Variants in SUPT6H observed in about 807,000 individuals in gnomAD.
The protein encoded by SUPT6H is SPT6 homolog, histone chaperone and transcription elongation factor, also known as transcription elongation factor SPT6.
In SUPT6H, 11 loss-of-function variants were observed where a neutral mutation model predicts 222.3. The observed-to-expected ratio is 0.05, with a 90% confidence interval of 0.03 to 0.08. The LOEUF is 0.08. Ranked by LOEUF, SUPT6H falls within the 10% of genes least tolerant of loss-of-function variation. The pLI is 1.00. For missense variants in SUPT6H, 1,422 were observed against 2,216.0 expected, an observed-to-expected ratio of 0.64 and a Z score of 7.19; for synonymous variants, 762 against 801.2, an observed-to-expected ratio of 0.95 and a Z score of 0.83.
At chr17:28,672,399 CT>C (rs1277332887) in intron 1 of SUPT6H, among the ~76,000 whole-genome samples, 1 of 151,488 alleles carries the variant, frequency 6.6e-6, no homozygotes, top group Non-Finnish European at 1.5e-5. Context: ...CCTTCTTTTT[CT>C]TTTTTTCTTT....
At chr17:28,674,837 A>G (rs368979501) in intron 4 of SUPT6H, 133 bp from the exon 5 acceptor site, 1 of 1,158,312 alleles carries the variant, frequency 8.6e-7, no homozygotes, top group Non-Finnish European at 1.2e-6. Flanking sequence ...CTACAAGAGC[A>G]TCACTCGGCA....
intron 1 of SUPT6H, among the ~76,000 whole-genome samples, chr17:28,665,266 A>G (rs1567682094): frequency 6.6e-6 from 1 of 152,120 alleles, no homozygotes; most frequent in South Asian, 2.1e-4. Flanking sequence ...TCCTACTTCT[A>G]CAGGTCATAT....
At chr17:28,692,864 G>A (rs2031731173) in intron 27 of SUPT6H, among the ~76,000 whole-genome samples, 2 of 147,514 alleles carry the variant, frequency 1.4e-5, no homozygotes, top group South Asian at 4.5e-4. Context: ...AGCTGGGCAT[G>A]GTGGCGGGCG....
rs1423986818 is a variant in SUPT6H, at chr17:28,688,114, G to A, written c.3030G>A (p.Arg1010=). The change falls in exon 24 of 37, where the codon CGG becomes CGA. Residue 1010 remains arginine (R), a synonymous_variant. Coordinates refer to ENST00000314616, the MANE Select transcript of SUPT6H (RefSeq NM_003170.5). The surrounding 1 kb of genome is among the most constrained non-coding windows in gnomAD (Gnocchi z 4.3). ...AGATCCTGAAGCAGAACAACACCCG[G>A]CTCGAGAGCCGGACCCAGCTGGTCA... ...LLKILKQNNT[R]LESRTQLVTM... 3 of 1,613,096 alleles carry A rather than the reference G, an allele frequency of 1.9e-6. No individual in the cohort carries two copies. Among genetic ancestry groups the A allele is most frequent in the Non-Finnish European group, 2.5e-6 (3 of 1,179,490 alleles).
At chr17:28,692,388 T>G (rs1353660394) in intron 27 of SUPT6H, among the ~76,000 whole-genome samples, 3 of 145,486 alleles carry the variant, frequency 2.1e-5, no homozygotes, top group African/African-American at 7.7e-5. Context: ...ATCCCAGTAC[T>G]TTGGGAGGCT....
rs2031486336 is a variant in SUPT6H, at chr17:28,688,183, C to T, written c.3099C>T (p.Gly1033=). The part of the protein sequence containing the change: ...MGPKVFMNCA[G]FLKIDTASLG... ...CCAAAGTCTTCATGAATTGTGCTGG[C>T]TTCCTCAAGATCGACACGGCCTCCC... The change falls in exon 24 of 37, where the codon GGC becomes GGT. Residue 1033 remains glycine (G), a synonymous_variant. Transcript: ENST00000314616. This position sits in a 1 kb window ranked among gnomAD's most constrained non-coding sequence, Gnocchi z 4.3. 6.2e-7 allele frequency: 1 copy of T among 1,613,544 alleles called. No homozygotes were observed. The highest frequency in any genetic ancestry group is 1.3e-5 in the African/African-American group (1 of 74,858).
At chr17:28,697,480 A>G in intron 30 of SUPT6H, 140 bp from the exon 31 acceptor site, 1 of 669,402 alleles carries the variant, frequency 1.5e-6, no homozygotes, top group Non-Finnish European at 2.6e-6. Flanking sequence ...ATATCTGGAC[A>G]TGACACAGAT....
chr17:28,693,868 CAATT>C, intron 28 of SUPT6H, 32 bp downstream of exon 28: 1 of 1,613,724 alleles, frequency 6.2e-7, no homozygotes, highest in Non-Finnish European at 8.5e-7. Flanking sequence ...GGTCGTAGTG[CAATT>C]TTCAGCTGCC....
chr17:28,670,297 G>A (rs1348503853), intron 1 of SUPT6H: 1 of 152,208 alleles, frequency 6.6e-6, no homozygotes, highest in Non-Finnish European at 1.5e-5. Flanking sequence ...GACAGTGTAG[G>A]GATTAATAGA....
In SUPT6H at chr17:28,700,375, C is replaced by A; in HGVS notation, c.4669C>A (p.Gln1557Lys). Reference sequence around the variant, plus strand: ...GACACGGGCTGTGAATGCCCTGCCTCAGAACATGACTTCACAGATGTTCAG... The same window carrying A: ...GACACGGGCTGTGAATGCCCTGCCTAAGAACATGACTTCACAGATGTTCAG... ...DLTRAVNALP[Q>K]NMTSQMFSAI... Residue 1557 changes from glutamine (Q) to lysine (K), a missense_variant, in exon 35 of 37, where the codon CAG becomes AAG. Gln to Lys is a moderately conservative substitution (Grantham distance 53). Around this residue, in one of 13 missense-constraint regions of SUPT6H, gnomAD observed 395 missense variants for 580.6 expected, o/e 0.68. Transcript: ENST00000314616. 6.2e-7 allele frequency: 1 copy of A among 1,614,250 alleles called. No homozygotes were observed. Among genetic ancestry groups the A allele is most frequent in the Non-Finnish European group, 8.5e-7 (1 of 1,180,046 alleles).
At position 28,666,857 on chromosome 17, in the gene SUPT6H, G is replaced by A. The variant is rs916542389; in HGVS notation, c.-32+4515G>A. On this transcript the variant is annotated intron_variant, in intron 1 of 36. Transcript: ENST00000314616. The stretch of plus-strand genomic sequence containing the variant: ...TAGGCGTGAGCCACCGCGCCCAGCC[G>A]AATAAATAATATTTTTAAATGAACA... Among the ~76,000 whole-genome samples the A allele has an allele frequency of 5.3e-5, 8 of 152,158 alleles. No individual in the cohort carries two copies. The South Asian group carries it at 6.2e-4, about 12-fold the overall frequency.
chr17:28,667,532 T>C (rs945940639), intron 1 of SUPT6H, among the ~76,000 whole-genome samples: 8 of 148,810 alleles, frequency 5.4e-5, no homozygotes, highest in African/African-American at 2.0e-4. Context: ...TGTGTGTGTG[T>C]GTTTTATATA....
In SUPT6H at chr17:28,687,439, C is replaced by T. The variant is rs1180618854; in HGVS notation, c.2974C>T (p.Leu992=). Residue 992 remains leucine (L), a synonymous_variant, in exon 23 of 37, where the codon CTG becomes TTG. Coordinates refer to ENST00000314616, the MANE Select transcript of SUPT6H (RefSeq NM_003170.5). ...SQALIQYVCG[L]GPRKGTHLLK... ...GGCCTTGATCCAGTATGTTTGTGGC[C>T]TGGGACCTCGGAAAGGGACCCACCT... 6.2e-7 allele frequency: 1 copy of T among 1,614,170 alleles called. No homozygotes were observed. Among genetic ancestry groups the T allele is most frequent in the Non-Finnish European group, 8.5e-7 (1 of 1,180,038 alleles).
At chr17:28,700,899 A>G (rs79654985) in intron 35 of SUPT6H, 42 bp from the exon 36 acceptor site, 1 of 1,565,810 alleles carries the variant, frequency 6.4e-7, no homozygotes, top group East Asian at 2.3e-5. Flanking sequence ...AGGCCAAACA[A>G]GCCCCACACC....
rs1382797328 is a variant in SUPT6H at position 28,674,999 on chromosome 17, AGATGACGAGGAC to A, written c.387_398del (p.Asp129_Glu132del). The A allele has an allele frequency of 3.1e-6, 5 of 1,613,978 alleles. No individual in the cohort carries two copies. Among genetic ancestry groups the A allele is most frequent in the African/African-American group, 1.3e-5 (1 of 74,920 alleles). On this transcript the variant is annotated inframe_deletion, in exon 5 of 37. Coordinates refer to ENST00000314616, the MANE Select transcript of SUPT6H (RefSeq NM_003170.5). The stretch of plus-strand genomic sequence containing the variant: ...AGTACCGGCGTGTCAAAAAAATGTC[AGATGACGAGGAC>A]GATGACGAGGAGGAATATGGCAAGG...
chr17:28,679,874 C>T (rs1336543361), intron 11 of SUPT6H, among the ~76,000 whole-genome samples: 1 of 148,820 alleles, frequency 6.7e-6, no homozygotes, highest in Non-Finnish European at 1.5e-5. Context: ...CCTGTAATTC[C>T]AGCTACTCGG....
chr17:28,692,634 C>T (rs2031721123), intron 27 of SUPT6H, among the ~76,000 whole-genome samples: 1 of 147,820 alleles, frequency 6.8e-6, no homozygotes, highest in Non-Finnish European at 1.5e-5. Flanking sequence ...GGGGCCGAGG[C>T]AGGTGGAGTG....
chr17:28,694,392 GTC>G (rs1410858999), intron 28 of SUPT6H, among the ~76,000 whole-genome samples: 1 of 152,196 alleles, frequency 6.6e-6, no homozygotes, highest in African/African-American at 2.4e-5. Context: ...GACATATGTT[GTC>G]TCTAATCTCA....
intron 23 of SUPT6H, 144 bp downstream of exon 23, chr17:28,687,615 G>A: frequency 1.0e-6 from 1 of 960,654 alleles, no homozygotes; most frequent in African/African-American, 1.7e-5. Flanking sequence ...AGTCAAAAGA[G>A]TCTGACTTCA....
Sources: allele counts gnomAD v4.1 joint callset (sites outside exome capture counted in the v4.1 genomes callset), GRCh38; gene constraint gnomAD v4.1.1; regional missense constraint gnomAD v4.1.1; non-coding constraint Gnocchi (gnomAD v3.1); transcripts MANE v1.5; gene names NCBI Gene and HGNC (gene_info 2026-07-23, HGNC 2026-07-21).